The following FUT6 variants were observed in gnomAD, a reference collection of about 807,000 sequenced individuals.
The protein encoded by FUT6 is fucosyltransferase 6.
For missense variants in FUT6, 454 were observed against 494.6 expected, an observed-to-expected ratio of 0.92 and a Z score of 0.78; for synonymous variants, 187 against 209.9, an observed-to-expected ratio of 0.89 and a Z score of 0.94.
At chr19:5,833,525 G>A (rs989561696) in intron 2 of FUT6, among the ~76,000 whole-genome samples, 1 of 150,584 alleles carries the variant, frequency 6.6e-6, no homozygotes, top group African/African-American at 2.4e-5. Flanking sequence ...GGTCAAGCAC[G>A]GTGGCTCATG....
chr19:5,838,561 ACT>A (rs2057213042), intron 1 of FUT6, 114 bp downstream of exon 1: 1 of 152,110 alleles, frequency 6.6e-6, no homozygotes, highest in African/African-American at 2.4e-5. Flanking sequence ...GCCCACCCGC[ACT>A]CTGAATTACA....
In FUT6 at chr19:5,831,677, G is replaced by A; in HGVS notation, c.891C>T (p.Ser297=). 3 of 1,612,176 alleles carry A rather than the reference G, an allele frequency of 1.9e-6. No homozygotes were observed. The highest frequency in any genetic ancestry group is 2.2e-5 in the South Asian group (2 of 91,014). Residue 297 remains serine (S), a synonymous_variant, in exon 3 of 3, where the codon AGC becomes AGT. Transcript: ENST00000318336. The surrounding 1 kb of genome is among the most constrained non-coding windows in gnomAD (Gnocchi z 7.0). ...DAFIHVDDFQ[S]PKDLARYLQE... The stretch of plus-strand genomic sequence containing the variant: ...GCAGGTACCGGGCCAGGTCCTTGGG[G>A]CTCTGGAAGTCGTCCACGTGGATGA...
At position 5,831,028 on chromosome 19, in the gene FUT6, C is replaced by CTT. The variant is rs1412032411; in HGVS notation, c.*459_*460insAA. 7 of 501,986 alleles carry CTT rather than the reference C, an allele frequency of 1.4e-5. No homozygotes were observed. The Admixed American group carries it at 2.3e-4, about 16-fold the overall frequency. 31.1% of individuals were successfully genotyped at this position (501,986 alleles called of 1,614,324 possible). A position where few individuals can be genotyped will look rare whatever the true frequency, so the allele number is the denominator to read the frequency against. The stretch of plus-strand genomic sequence containing the variant: ...CCAGAACCATCACTCATGGGTGGGG[C>CTT]CCCATGGGTGCCAGTTCCCAGGGCC... On this transcript the variant is annotated 3_prime_UTR_variant, in exon 3 of 3. Transcript: ENST00000318336. This position sits in a 1 kb window ranked among gnomAD's most constrained non-coding sequence, Gnocchi z 7.0.
rs1047088307 is a variant in FUT6, at chr19:5,839,157, C to A, written c.-621G>T. Reference sequence around the variant, plus strand: ...GATCCCACCTTCTCACTCAGTTGGCCCATCACCAAATATTTCCTGAGCACT... The same window carrying A: ...GATCCCACCTTCTCACTCAGTTGGCACATCACCAAATATTTCCTGAGCACT... On this transcript the variant is annotated 5_prime_UTR_variant, in exon 1 of 3. Transcript: ENST00000318336. 1 of 152,166 alleles carries A rather than the reference C, an allele frequency of 6.6e-6. No individual in the cohort carries two copies. Among genetic ancestry groups the A allele is most frequent in the Non-Finnish European group, 1.5e-5 (1 of 68,040 alleles). 9.4% of individuals were successfully genotyped at this position (152,166 alleles called of 1,614,324 possible). A position where few individuals can be genotyped will look rare whatever the true frequency, so the allele number is the denominator to read the frequency against.
chr19:5,836,581 T>C (rs957974938), intron 1 of FUT6, among the ~76,000 whole-genome samples: 62 of 152,262 alleles, frequency 4.1e-4, no homozygotes, highest in African/African-American at 1.4e-3. Context: ...ATAATCCCAA[T>C]GCTTTGGGCG....
At position 5,831,073 on chromosome 19, in the gene FUT6, G is replaced by A. The variant is rs920115349; in HGVS notation, c.*415C>T. ...AGGGCCCAGTGCCCTCCAGGGTGAG[G>A]TCCCCAGCAGGTGAGGCTCCTAGCA... On this transcript the variant is annotated 3_prime_UTR_variant, in exon 3 of 3. Transcript: ENST00000318336. This position sits in a 1 kb window ranked among gnomAD's most constrained non-coding sequence, Gnocchi z 7.0. The A allele has an allele frequency of 1.0e-4, 57 of 552,232 alleles. No homozygotes were observed. The highest frequency in any genetic ancestry group is 1.7e-4 in the Non-Finnish European group (53 of 307,824). The allele number at this position is 552,232 out of a possible 1,614,324, so 34.2% of individuals were successfully genotyped here. A position where few individuals can be genotyped will look rare whatever the true frequency, so the allele number is the denominator to read the frequency against.
chr19:5,834,105 C>G (rs998438217), intron 2 of FUT6, among the ~76,000 whole-genome samples: 1 of 151,870 alleles, frequency 6.6e-6, no homozygotes, highest in Non-Finnish European at 1.5e-5. Flanking sequence ...GCACTCCAAC[C>G]TGGGTGACAG....
At chr19:5,835,197 C>T (rs1441815276) in intron 1 of FUT6, 120 bp from the exon 2 acceptor site, 1 of 152,276 alleles carries the variant, frequency 6.6e-6, no homozygotes, top group Non-Finnish European at 1.5e-5. Context: ...CTAGGTCCTT[C>T]CCGCCCCCAT....
Position 5,831,107 on chromosome 19 carries a change from T to A in FUT6, c.*381A>T. On this transcript the variant is annotated 3_prime_UTR_variant, in exon 3 of 3. Coordinates refer to ENST00000318336, the MANE Select transcript of FUT6 (RefSeq NM_000150.4). This position sits in a 1 kb window ranked among gnomAD's most constrained non-coding sequence, Gnocchi z 7.0. ...AGGTGAGGCTCCTAGCAGGTGAGAT[T>A]CAGTGTGGAAGGTCTCTGGGAGCAG... is the stretch of plus-strand genomic sequence containing the variant. 1 of 584,216 alleles carries A rather than the reference T, an allele frequency of 1.7e-6. No homozygotes were observed. The highest frequency in any genetic ancestry group is 2.0e-5 in the South Asian group (1 of 49,824). 36.2% of individuals were successfully genotyped at this position (584,216 alleles called of 1,614,324 possible).
chr19:5,831,016 T>G lies in FUT6; in HGVS notation c.*472A>C, dbSNP rs1261814935. 2.1e-6 allele frequency: 1 copy of G among 478,688 alleles called. No individual in the cohort carries two copies. The highest frequency in any genetic ancestry group is 4.1e-5 in the East Asian group (1 of 24,676). 29.7% of individuals were successfully genotyped at this position (478,688 alleles called of 1,614,324 possible). A position where few individuals can be genotyped will look rare whatever the true frequency, so the allele number is the denominator to read the frequency against. On this transcript the variant is annotated 3_prime_UTR_variant, in exon 3 of 3. Coordinates refer to ENST00000318336, the MANE Select transcript of FUT6 (RefSeq NM_000150.4). This position sits in a 1 kb window ranked among gnomAD's most constrained non-coding sequence, Gnocchi z 7.0. The stretch of plus-strand genomic sequence containing the variant: ...CAAACAAATCAGCCAGAACCATCAC[T>G]CATGGGTGGGGCCCCATGGGTGCCA...
intron 2 of FUT6, among the ~76,000 whole-genome samples, chr19:5,833,288 A>T (rs1280140523): frequency 6.6e-6 from 1 of 152,154 alleles, no homozygotes; most frequent in Non-Finnish European, 1.5e-5. Context: ...CGAGGTCAAG[A>T]GACCAGCCTG....
rs766188766 is a variant in FUT6 at position 5,832,022 on chromosome 19, C to T, written c.546G>A (p.Pro182=). Residue 182 remains proline, a synonymous_variant, in exon 3 of 3, where the codon CCG becomes CCA. Transcript: ENST00000318336. This position sits in a 1 kb window ranked among gnomAD's most constrained non-coding sequence, Gnocchi z 4.3. The part of the protein sequence containing the change: ...EPWSGQPAHP[P]LNLSAKTELV... Reference sequence around the variant, plus strand: ...GCTCGGTCTTGGCCGAGAGGTTGAGCGGTGGGTGGGCAGGCTGGCCGGACC... The same window carrying T: ...GCTCGGTCTTGGCCGAGAGGTTGAGTGGTGGGTGGGCAGGCTGGCCGGACC... The T allele has an allele frequency of 4.3e-6, 7 of 1,613,640 alleles. No individual in the cohort carries two copies. Among genetic ancestry groups the T allele is most frequent in the Non-Finnish European group, 4.2e-6 (5 of 1,180,020 alleles).
chr19:5,832,308 G>C lies in FUT6; in HGVS notation c.260C>G (p.Thr87Arg), dbSNP rs551276538. 1.2e-6 allele frequency: 2 copies of C among 1,614,010 alleles called. No individual in the cohort carries two copies. Among genetic ancestry groups the C allele is most frequent in the Non-Finnish European group, 1.7e-6 (2 of 1,180,006 alleles). ...GTCGGCAGTGATGTTGCAGTCAGCCGTGCCAGGCACCATCTCTGAGCAGCG... is the reference window on the plus strand; with the variant it reads ...GTCGGCAGTGATGTTGCAGTCAGCCCTGCCAGGCACCATCTCTGAGCAGCG... ...LPRCSEMVPG[T>R]ADCNITADRK... Residue 87 changes from threonine (T) to arginine (R), a missense_variant, in exon 3 of 3, where the codon ACG becomes AGG. Physicochemically the swap from Thr to Arg is moderately conservative, Grantham distance 71 (BLOSUM62 -1). Coordinates refer to ENST00000318336, the MANE Select transcript of FUT6 (RefSeq NM_000150.4). This position sits in a 1 kb window ranked among gnomAD's most constrained non-coding sequence, Gnocchi z 4.3.
At position 5,831,929 on chromosome 19, in the gene FUT6, C is replaced by T. The variant is rs773486922; in HGVS notation, c.639G>A (p.Gln213=). ...CGTACACGTCCACCTTGAGATGGGC[C>T]TGCAGGCTCTGGTAGTAGCGCACCC... ...SARVRYYQSL[Q]AHLKVDVYGR... Residue 213 remains glutamine (Q), a synonymous_variant, in exon 3 of 3, where the codon CAG becomes CAA. Coordinates refer to ENST00000318336, the MANE Select transcript of FUT6 (RefSeq NM_000150.4). This position sits in a 1 kb window ranked among gnomAD's most constrained non-coding sequence, Gnocchi z 7.0. 4.3e-6 allele frequency: 7 copies of T among 1,614,004 alleles called. No individual in the cohort carries two copies. Among genetic ancestry groups the T allele is most frequent in the Non-Finnish European group, 5.9e-6 (7 of 1,179,888 alleles).
chr19:5,830,943 G>A lies in FUT6; in HGVS notation c.*545C>T. ...CTTTGCAGTATTACATCTGGAAACG[G>A]TGCGGTGATTATCTCTCTGCACCCC... On this transcript the variant is annotated 3_prime_UTR_variant, in exon 3 of 3. Coordinates refer to ENST00000318336, the MANE Select transcript of FUT6 (RefSeq NM_000150.4). 1 of 323,732 alleles carries A rather than the reference G, an allele frequency of 3.1e-6. No homozygotes were observed. Among genetic ancestry groups the A allele is most frequent in the South Asian group, 3.0e-5 (1 of 33,098 alleles). 20.1% of individuals were successfully genotyped at this position (323,732 alleles called of 1,614,324 possible). A position where few individuals can be genotyped will look rare whatever the true frequency, so the allele number is the denominator to read the frequency against.
Position 5,831,949 on chromosome 19 carries a change from G to A in FUT6, c.619C>T (p.Arg207Cys), listed in dbSNP as rs775365500. The change falls in exon 3 of 3, where the codon CGC becomes TGC. Residue 207 changes from arginine to cysteine, a missense_variant. Coordinates refer to ENST00000318336, the MANE Select transcript of FUT6 (RefSeq NM_000150.4). The surrounding 1 kb of genome is among the most constrained non-coding windows in gnomAD (Gnocchi z 7.0). The part of the protein sequence containing the change: ...SNWGPNSARV[R>C]YYQSLQAHLK... ...TGGGCCTGCAGGCTCTGGTAGTAGC[G>A]CACCCTGGCGGAGTTTGGCCCCCAG... 2.7e-5 allele frequency: 43 copies of A among 1,613,978 alleles called. No homozygotes were observed. The highest frequency in any genetic ancestry group is 2.0e-4 in the East Asian group (9 of 44,876).
rs745590758 is a variant in FUT6 at position 5,831,573 on chromosome 19, C to A, written c.995G>T (p.Trp332Leu). The change falls in exon 3 of 3, where the codon TGG (tryptophan) becomes TTG (leucine). Residue 332 changes from tryptophan (W) to leucine (L), a missense_variant. By Grantham distance (61) the Trp-to-Leu change is moderately conservative (BLOSUM62 -2). Transcript: ENST00000318336. This position sits in a 1 kb window ranked among gnomAD's most constrained non-coding sequence, Gnocchi z 7.0. ...RETLRPRSFSWALAFCKACWK... is the reference protein window; with the variant it reads ...RETLRPRSFSLALAFCKACWK... ...GCAGGCCTTGCAGAAAGCGAGTGCC[C>A]AGCTGAAGGAGCGAGGCCGCAGCGT... The A allele has an allele frequency of 1.5e-5, 24 of 1,614,014 alleles. No individual in the cohort carries two copies. In the Admixed American group the frequency reaches 3.8e-4, roughly 26 times the overall value.
At chr19:5,834,746 A>C (rs1036729308) in intron 2 of FUT6, 1 of 152,172 alleles carries the variant, frequency 6.6e-6, no homozygotes, top group Non-Finnish European at 1.5e-5. Flanking sequence ...GTAGTGAGCC[A>C]CCTGGATCAC....
chr19:5,830,959 T>C lies in FUT6; in HGVS notation c.*529A>G, dbSNP rs542973440. The C allele has an allele frequency of 5.6e-6, 2 of 359,722 alleles. No homozygotes were observed. The highest frequency in any genetic ancestry group is 6.6e-5 in the East Asian group (1 of 15,118). 22.3% of individuals were successfully genotyped at this position (359,722 alleles called of 1,614,324 possible). A position where few individuals can be genotyped will look rare whatever the true frequency, so the allele number is the denominator to read the frequency against. The stretch of plus-strand genomic sequence containing the variant: ...CTGGAAACGGTGCGGTGATTATCTC[T>C]CTGCACCCCTCACAGGCGGCTAACA... On this transcript the variant is annotated 3_prime_UTR_variant, in exon 3 of 3. Transcript: ENST00000318336.
Sources: allele counts gnomAD v4.1 joint callset (sites outside exome capture counted in the v4.1 genomes callset), GRCh38; gene constraint gnomAD v4.1.1; non-coding constraint Gnocchi (gnomAD v3.1); transcripts MANE v1.5; gene names NCBI Gene and HGNC (gene_info 2026-07-23, HGNC 2026-07-21).